COL5A2: variants seen among roughly 807,000 people sequenced by gnomAD.
COL5A2 encodes collagen type V alpha 2 chain.
Under a neutral mutation model 208.2 loss-of-function variants are expected in COL5A2, and 23 were observed. That is an observed-to-expected ratio of 0.11 (90% confidence interval 0.08 to 0.16). The LOEUF is 0.16. Ranked by LOEUF, COL5A2 falls within the 10% of genes least tolerant of loss-of-function variation. COL5A2 has a pLI of 1.00. For synonymous variants in COL5A2, 625 were observed against 628.5 expected, an observed-to-expected ratio of 0.99 and a Z score of 0.08; for missense variants, 1,590 against 1,956.4, an observed-to-expected ratio of 0.81 and a Z score of 3.53.
chr2:189,319,086 C>T, the COL5A2 span, among the ~76,000 whole-genome samples: 3 of 152,094 alleles, frequency 2.0e-5, 1 homozygote, highest in South Asian at 6.2e-4. Flanking sequence ...ATAACCTTGC[C>T]TGTTACTGAT....
chr2:189,233,867 T>G, the COL5A2 span, among the ~76,000 whole-genome samples: 2 of 151,704 alleles, frequency 1.3e-5, no homozygotes, highest in Non-Finnish European at 2.9e-5. Context: ...AAAATGTCAA[T>G]TTTTGACTTA....
At chr2:189,304,136 T>A in the COL5A2 span, among the ~76,000 whole-genome samples, 2 of 152,198 alleles carry the variant, frequency 1.3e-5, no homozygotes, top group Non-Finnish European at 2.9e-5. Flanking sequence ...TTAAGTTTGC[T>A]GTTATATAAA....
chr2:189,064,132 G>T, intron 25 of COL5A2, 99 bp from the exon 26 acceptor site: 1 of 910,254 alleles, frequency 1.1e-6, no homozygotes, highest in Non-Finnish European at 1.8e-6. Flanking sequence ...CAACTGAATA[G>T]AATGACATTT....
At chr2:189,175,483 G>A (rs1688659187) in intron 1 of COL5A2, among the ~76,000 whole-genome samples, 2 of 151,306 alleles carry the variant, frequency 1.3e-5, no homozygotes, top group African/African-American at 4.9e-5. Context: ...ACTTTGTGGA[G>A]CCAATATGCC....
At chr2:189,279,367 A>T in the COL5A2 span, among the ~76,000 whole-genome samples, 2 of 151,986 alleles carry the variant, frequency 1.3e-5, no homozygotes, top group Admixed American at 1.3e-4. Context: ...ACAGATATTT[A>T]AATGACGGAT....
chr2:189,246,245 T>A, the COL5A2 span, among the ~76,000 whole-genome samples: 3 of 151,988 alleles, frequency 2.0e-5, no homozygotes, highest in Non-Finnish European at 4.4e-5. Context: ...AAATTACTCA[T>A]AAGTTCTAGT....
At chr2:189,432,684 G>A in the COL5A2 span, among the ~76,000 whole-genome samples, 2 of 152,254 alleles carry the variant, frequency 1.3e-5, no homozygotes, top group East Asian at 1.9e-4. Context: ...CATAAAGCAA[G>A]TCCTTAGAGA....
chr2:189,080,131 T>C (rs890123287), intron 13 of COL5A2, 100 bp from the exon 14 acceptor site: 1 of 853,776 alleles, frequency 1.2e-6, no homozygotes, highest in Non-Finnish European at 1.9e-6. Flanking sequence ...CTTATAAAAA[T>C]GAATATCAAA....
intron 2 of COL5A2, 147 bp from the exon 3 acceptor site, chr2:189,104,424 A>C: frequency 1.5e-6 from 1 of 654,400 alleles, no homozygotes; most frequent in Non-Finnish European, 2.8e-6. Flanking sequence ...AGAATTCAAA[A>C]GGTTTTGGAT....
the COL5A2 span, among the ~76,000 whole-genome samples, chr2:189,304,292 T>C: frequency 6.6e-6 from 1 of 152,232 alleles, no homozygotes; most frequent in Non-Finnish European, 1.5e-5. Context: ...TTTTTTTACC[T>C]TGTCACTTTA....
In COL5A2 at chr2:189,051,413, G is replaced by A. The variant is rs2105559171; in HGVS notation, c.2838C>T (p.Asp946=). ...CTCCCACACGCCCATGAGAGCCAGGGTCCCCACGAAGACCTGGAGGTCCCT... is the reference window on the plus strand; with the variant it reads ...CTCCCACACGCCCATGAGAGCCAGGATCCCCACGAAGACCTGGAGGTCCCT... ...GKEGPPGLRG[D]PGSHGRVGDR... is the part of the protein sequence containing the mutation. Residue 946 remains aspartate (D), a synonymous_variant, in exon 42 of 54, where the codon GAC becomes GAT. Transcript: ENST00000374866. 1 of 1,613,918 alleles carries A rather than the reference G, an allele frequency of 6.2e-7. No homozygotes were observed. Among genetic ancestry groups the A allele is most frequent in the African/African-American group, 1.3e-5 (1 of 75,038 alleles).
At chr2:189,356,112 T>G in the COL5A2 span, among the ~76,000 whole-genome samples, 1 of 152,242 alleles carries the variant, frequency 6.6e-6, no homozygotes, top group Non-Finnish European at 1.5e-5. Context: ...CACTCTCTTC[T>G]GGCTTGTAGG....
chr2:189,236,656 A>G, the COL5A2 span, among the ~76,000 whole-genome samples: 1 of 151,762 alleles, frequency 6.6e-6, no homozygotes, highest in Non-Finnish European at 1.5e-5. Flanking sequence ...CTACCAAGAT[A>G]TCCCCTATTG....
intron 1 of COL5A2, among the ~76,000 whole-genome samples, chr2:189,133,513 A>C (rs1279793696): frequency 6.6e-6 from 1 of 152,064 alleles, no homozygotes; most frequent in African/African-American, 2.4e-5. Flanking sequence ...ACATCAACTA[A>C]CAGCATTGCA....
the COL5A2 span, among the ~76,000 whole-genome samples, chr2:189,433,837 C>T: frequency 1.6e-4 from 25 of 152,276 alleles, 2 homozygotes; most frequent in South Asian, 4.8e-3. Context: ...TTTTATGAGG[C>T]CAGCATCATC....
At chr2:189,074,811 G>A (rs1686367888) in intron 17 of COL5A2, among the ~76,000 whole-genome samples, 1 of 152,048 alleles carries the variant, frequency 6.6e-6, no homozygotes, top group Non-Finnish European at 1.5e-5. Context: ...TCACATCTTT[G>A]TAATTTCTTT....
the COL5A2 span, among the ~76,000 whole-genome samples, chr2:189,272,461 T>G: frequency 2.6e-5 from 4 of 151,880 alleles, no homozygotes; most frequent in African/African-American, 9.7e-5. Context: ...AGTTGAACAA[T>G]GAGAACACAT....
rs966252177 is a variant in COL5A2 at position 189,057,110 on chromosome 2, A to G, written c.2338-84T>C. On this transcript the variant is annotated intron_variant, in intron 34 of 53. Coordinates refer to ENST00000374866, the MANE Select transcript of COL5A2 (RefSeq NM_000393.5). ...TGTAAGTTTCATGAGAGTGAAGGCT[A>G]ATTGTCATTTTCCTAGTCGTATCCA... 2.1e-6 allele frequency: 3 copies of G among 1,441,810 alleles called. No individual in the cohort carries two copies. The African/African-American group carries it at 4.2e-5, about 20-fold the overall frequency. The allele number at this position is 1,441,810 out of a possible 1,614,324, so 89.3% of individuals were successfully genotyped here.
chr2:189,078,612 T>C (rs1686463708), intron 15 of COL5A2, 43 bp from the exon 16 acceptor site: 2 of 1,508,502 alleles, frequency 1.3e-6, no homozygotes, highest in South Asian at 1.1e-5. Context: ...GCACCTAATT[T>C]GAAATGTAGA....
Sources: gnomAD v4.1 joint callset for allele counts (sites outside exome capture counted in the v4.1 genomes callset) on GRCh38, gnomAD v4.1.1 for gene constraint, MANE v1.5 for transcripts, NCBI Gene and HGNC (gene_info 2026-07-23, HGNC 2026-07-21) for gene names.